Variants in FOCAD observed in about 807,000 individuals in gnomAD.
The protein encoded by FOCAD is focadhesin.
A neutral mutation model predicts 225.6 loss-of-function variants in FOCAD; 198 were observed. The ratio of observed to expected loss-of-function variants is 0.88; its 90% confidence interval spans 0.78 to 0.99. The LOEUF (loss-of-function observed/expected upper bound fraction) is 0.99, where lower values mean the gene tolerates loss of function less well. Among genes scored for constraint, FOCAD ranks in the 50% least tolerant of loss-of-function variants. The pLI is 0.00. For synonymous variants in FOCAD, 897 were observed against 755.0 expected, an observed-to-expected ratio of 1.19 and a Z score of -3.08; for missense variants, 2,713 against 2,123.6, an observed-to-expected ratio of 1.28 and a Z score of -5.46.
intron 28 of FOCAD, among the ~76,000 whole-genome samples, chr9:20,944,139 A>C (rs752926632): frequency 9.2e-5 from 14 of 152,234 alleles, no homozygotes; most frequent in South Asian, 6.2e-4. Flanking sequence ...TGAAACACTT[A>C]GTAGTACCTC....
At chr9:20,862,792 C>T in intron 16 of FOCAD, 80 bp downstream of exon 16, 1 of 1,482,508 alleles carries the variant, frequency 6.7e-7, no homozygotes, top group Non-Finnish European at 9.1e-7. Flanking sequence ...AATAAATATT[C>T]CTAATCTGTT....
intron 7 of FOCAD, among the ~76,000 whole-genome samples, chr9:20,767,965 T>C (rs978420517): frequency 1.4e-4 from 21 of 152,154 alleles, no homozygotes; most frequent in African/African-American, 3.9e-4. Context: ...TTATGTCTAA[T>C]GTTTAAGTCT....
chr9:20,777,307 T>G (rs1210017707), intron 8 of FOCAD, among the ~76,000 whole-genome samples: 5 of 74,490 alleles, frequency 6.7e-5, no homozygotes, highest in African/African-American at 3.3e-4. Context: ...CCTGTGGGTT[T>G]TTTTTTTTTT....
At chr9:20,705,726 A>G (rs191842582) in intron 1 of FOCAD, among the ~76,000 whole-genome samples, 67 of 148,962 alleles carry the variant, frequency 4.5e-4, no homozygotes, top group African/African-American at 1.5e-3. Context: ...ATAATATTGG[A>G]AAAAAAAAAG....
At chr9:20,753,855 T>A (rs1035520903) in intron 5 of FOCAD, among the ~76,000 whole-genome samples, 4 of 152,006 alleles carry the variant, frequency 2.6e-5, no homozygotes, top group Non-Finnish European at 4.4e-5. Flanking sequence ...TTGTATAGGT[T>A]ATTGTCTGCT....
At chr9:20,725,364 A>G (rs771910407) in intron 4 of FOCAD, among the ~76,000 whole-genome samples, 1 of 152,212 alleles carries the variant, frequency 6.6e-6, no homozygotes, top group Non-Finnish European at 1.5e-5. Context: ...TAGAAAAATG[A>G]TTCTAAAATT....
At chr9:20,759,484 G>T (rs1314564487) in intron 6 of FOCAD, among the ~76,000 whole-genome samples, 1 of 152,176 alleles carries the variant, frequency 6.6e-6, no homozygotes, top group Non-Finnish European at 1.5e-5. Context: ...TTTAATAAAT[G>T]GTGCTGGGAA....
intron 27 of FOCAD, among the ~76,000 whole-genome samples, chr9:20,932,530 TA>T (rs1024499120): frequency 1.3e-5 from 2 of 151,876 alleles, no homozygotes; most frequent in South Asian, 2.1e-4. Flanking sequence ...TTTCTCCCCT[TA>T]AAAAAAAGTA....
intron 9 of FOCAD, among the ~76,000 whole-genome samples, chr9:20,779,882 A>AGG (rs1411900734): frequency 1.3e-5 from 2 of 152,102 alleles, no homozygotes; most frequent in African/African-American, 4.8e-5. Context: ...TAGCACATGG[A>AGG]GGGGATCCTT....
intron 15 of FOCAD, among the ~76,000 whole-genome samples, chr9:20,860,616 C>T (rs562963207): frequency 2.6e-5 from 4 of 152,260 alleles, no homozygotes; most frequent in African/African-American, 7.2e-5. Flanking sequence ...CTGCAACCTC[C>T]GCCTCCTGGT....
chr9:20,708,021 G>C (rs575162384), intron 1 of FOCAD, among the ~76,000 whole-genome samples: 3 of 152,132 alleles, frequency 2.0e-5, no homozygotes, highest in Non-Finnish European at 4.4e-5. Context: ...ATCCATATTA[G>C]ACAGTACAAC....
intron 11 of FOCAD, among the ~76,000 whole-genome samples, chr9:20,795,784 G>GAAAAAAA (rs1161085446): frequency 2.4e-5 from 1 of 42,404 alleles, no homozygotes; most frequent in African/African-American, 1.1e-4. Context: ...ACTCTGTCTC[G>GAAAAAAA]AAAAAAAAAA....
intron 10 of FOCAD, among the ~76,000 whole-genome samples, chr9:20,784,549 T>G (rs1290897564): frequency 6.6e-6 from 1 of 152,180 alleles, no homozygotes; most frequent in African/African-American, 2.4e-5. Context: ...AAAAGCTAAA[T>G]TCTTGTAATT....
intron 3 of FOCAD, among the ~76,000 whole-genome samples, chr9:20,718,578 A>G (rs1333468285): frequency 6.6e-6 from 1 of 152,104 alleles, no homozygotes; most frequent in Non-Finnish European, 1.5e-5. Flanking sequence ...TCCAAGTTAC[A>G]TTTCTTTATT....
intron 21 of FOCAD, among the ~76,000 whole-genome samples, chr9:20,887,405 T>C (rs1831192125): frequency 2.0e-5 from 3 of 152,114 alleles, no homozygotes; most frequent in Admixed American, 1.3e-4. Context: ...CAGCTAATTT[T>C]TGTATTTTTA....
rs1826203726 is a variant in FOCAD at position 20,726,433 on chromosome 9, G to A, written c.287+5899G>A. ...CCCATTTCTTGTCTTAATGTGCTTG[G>A]TAAGAAGGTTATACTCTGGATAAAC... On this transcript the variant is annotated intron_variant, in intron 4 of 43. Transcript: ENST00000338382. 2.0e-5 allele frequency: 3 copies of A among 152,158 alleles called. No individual in the cohort carries two copies. The South Asian group carries it at 6.2e-4, about 31-fold the overall frequency. The allele number at this position is 152,158 out of a possible 1,614,324, so 9.4% of individuals were successfully genotyped here. A position where few individuals can be genotyped will look rare whatever the true frequency, so the allele number is the denominator to read the frequency against.
intron 15 of FOCAD, among the ~76,000 whole-genome samples, chr9:20,857,418 A>G (rs1035985712): frequency 1.3e-5 from 2 of 152,010 alleles, no homozygotes; most frequent in African/African-American, 4.8e-5. Context: ...GCATATAGAA[A>G]TGCTACTGAT....
chr9:20,889,594 T>C (rs1230322563), intron 21 of FOCAD, among the ~76,000 whole-genome samples: 4 of 152,188 alleles, frequency 2.6e-5, no homozygotes, highest in Non-Finnish European at 5.9e-5. Flanking sequence ...TCCATTGAGA[T>C]CTGTAGATTT....
At chr9:20,797,595 C>T (rs1472727197) in intron 11 of FOCAD, among the ~76,000 whole-genome samples, 2 of 152,096 alleles carry the variant, frequency 1.3e-5, no homozygotes, top group African/African-American at 4.8e-5. Flanking sequence ...AATGGGAATT[C>T]ACTCATGATT....
Sources: gnomAD v4.1 joint callset for allele counts (sites outside exome capture counted in the v4.1 genomes callset) on GRCh38, gnomAD v4.1.1 for gene constraint, MANE v1.5 for transcripts, NCBI Gene and HGNC (gene_info 2026-07-23, HGNC 2026-07-21) for gene names.